The following ABLIM1 variants were observed in gnomAD, a reference collection of about 807,000 sequenced individuals.
ABLIM1 encodes the protein actin-binding LIM protein 1.
Under a neutral mutation model 107.0 loss-of-function variants are expected in ABLIM1, and 40 were observed. That is an observed-to-expected ratio of 0.37 (90% CI 0.29 to 0.49). The LOEUF is 0.49. Among genes scored for constraint, ABLIM1 ranks in the 20% least tolerant of loss-of-function variants. The pLI, the probability that ABLIM1 is intolerant of heterozygous loss-of-function variation, is 0.97. For synonymous variants in ABLIM1, 357 were observed against 357.3 expected (o/e 1.00, Z 0.01); for missense variants, 857 against 1,008.5 (o/e 0.85, Z 2.04).
At chr10:114,452,717 GATATT>G (rs2062089530) in intron 13 of ABLIM1, among the ~76,000 whole-genome samples, 2 of 152,118 alleles carry the variant, frequency 1.3e-5, no homozygotes, top group South Asian at 4.1e-4. Flanking sequence ...TAAACATTAA[GATATT>G]ATATTAATGG....
At chr10:114,492,733 A>T (rs1202266811) in intron 6 of ABLIM1, among the ~76,000 whole-genome samples, 1 of 152,234 alleles carries the variant, frequency 6.6e-6, no homozygotes, top group Admixed American at 6.5e-5. Flanking sequence ...TCCACCATCA[A>T]AACATTTATT....
intron 4 of ABLIM1, among the ~76,000 whole-genome samples, chr10:114,560,440 AG>A (rs2069529119): frequency 6.6e-6 from 1 of 152,250 alleles, no homozygotes; most frequent in South Asian, 2.1e-4. Context: ...GTGACACTGT[AG>A]CCTCCGTAAC....
At chr10:114,496,079 A>G (rs915054182) in intron 6 of ABLIM1, among the ~76,000 whole-genome samples, 1 of 152,244 alleles carries the variant, frequency 6.6e-6, no homozygotes, top group Non-Finnish European at 1.5e-5. Context: ...TCACAAAAAG[A>G]AGGCACATTA....
intron 1 of ABLIM1, among the ~76,000 whole-genome samples, chr10:114,752,003 C>A (rs1229574184): frequency 3.3e-5 from 5 of 152,180 alleles, no homozygotes; most frequent in Non-Finnish European, 1.5e-5. Flanking sequence ...ATGGAGCCAG[C>A]ACCTTCCCCA....
intron 8 of ABLIM1, among the ~76,000 whole-genome samples, chr10:114,487,686 G>T (rs1717871818): frequency 6.6e-6 from 1 of 152,152 alleles, no homozygotes; most frequent in Non-Finnish European, 1.5e-5. Context: ...CCATCTGCAT[G>T]ATTTGACTTT....
intron 2 of ABLIM1, among the ~76,000 whole-genome samples, chr10:114,581,514 A>G (rs1230179380): frequency 1.3e-5 from 2 of 152,356 alleles, no homozygotes; most frequent in East Asian, 1.9e-4. Flanking sequence ...CCATATCAGT[A>G]GACTGAACAT....
chr10:114,441,110 T>C (rs1164197480), intron 18 of ABLIM1, 33 bp from the exon 19 acceptor site: 2 of 1,548,428 alleles, frequency 1.3e-6, no homozygotes, highest in Admixed American at 3.9e-5. Flanking sequence ...TTAGGAAATC[T>C]CCATAGTGAT....
intron 6 of ABLIM1, among the ~76,000 whole-genome samples, chr10:114,493,936 C>T (rs1369225463): frequency 6.6e-6 from 1 of 152,154 alleles, no homozygotes; most frequent in East Asian, 1.9e-4. Context: ...TAAATGCACA[C>T]ACAAAAAATA....
intron 1 of ABLIM1, among the ~76,000 whole-genome samples, chr10:114,723,866 G>A (rs1023375013): frequency 4.6e-5 from 7 of 152,106 alleles, no homozygotes; most frequent in African/African-American, 1.7e-4. Context: ...CTCCTACCCT[G>A]TGGAAAAATC....
At chr10:114,732,282 C>G (rs769742948) in intron 1 of ABLIM1, among the ~76,000 whole-genome samples, 8 of 148,722 alleles carry the variant, frequency 5.4e-5, no homozygotes, top group Non-Finnish European at 1.0e-4. Flanking sequence ...CTCCCAGATT[C>G]AAGCGATTCT....
intron 1 of ABLIM1, among the ~76,000 whole-genome samples, chr10:114,649,310 G>C (rs1198829334): frequency 1.3e-5 from 2 of 151,834 alleles, no homozygotes; most frequent in Non-Finnish European, 2.9e-5. Context: ...CGGAGGCACA[G>C]AGAATCGCTG....
At position 114,460,945 on chromosome 10, in the gene ABLIM1, C is replaced by T. The variant is rs145686933; in HGVS notation, c.1441+4753G>A. On this transcript the variant is annotated intron_variant, in intron 12 of 22. Transcript: ENST00000533213. Reference sequence around the variant, plus strand: ...AGGGCCTGTGACACTTTTCTTTCTACAAAAAGTATCTCTCTACAAGTTAAA... The same window carrying T: ...AGGGCCTGTGACACTTTTCTTTCTATAAAAAGTATCTCTCTACAAGTTAAA... 7.9e-5 allele frequency among the ~76,000 whole-genome samples: 12 copies of T among 152,314 alleles called. 1 individual carries two copies. The highest frequency in any genetic ancestry group is 2.6e-4 in the African/African-American group (11 of 41,560).
chr10:114,798,691 T>C, the ABLIM1 span, among the ~76,000 whole-genome samples: 1 of 151,262 alleles, frequency 6.6e-6, no homozygotes, highest in African/African-American at 2.4e-5. Flanking sequence ...CTGTGAGCTA[T>C]GCTCATGCCA....
intron 6 of ABLIM1, among the ~76,000 whole-genome samples, chr10:114,502,737 T>C (rs1397168273): frequency 6.6e-6 from 1 of 152,184 alleles, no homozygotes; most frequent in Non-Finnish European, 1.5e-5. Flanking sequence ...CCTCAAGTGA[T>C]CCACCCACCT....
intron 12 of ABLIM1, among the ~76,000 whole-genome samples, chr10:114,459,393 C>T (rs2063425384): frequency 2.0e-5 from 3 of 152,214 alleles, no homozygotes; most frequent in African/African-American, 7.2e-5. Context: ...TGGCCATAGG[C>T]TCCCCCCATT....
chr10:114,678,310 C>T (rs137862044), intron 1 of ABLIM1, among the ~76,000 whole-genome samples: 46 of 152,338 alleles, frequency 3.0e-4, no homozygotes, highest in African/African-American at 1.1e-3. Flanking sequence ...GAACTAACTA[C>T]ATTAACCTGT....
At chr10:114,454,026 A>C (rs928946748) in intron 12 of ABLIM1, among the ~76,000 whole-genome samples, 2 of 152,178 alleles carry the variant, frequency 1.3e-5, no homozygotes, top group African/African-American at 4.8e-5. Flanking sequence ...GCGTGTTTGC[A>C]TATGTTTCTG....
intron 5 of ABLIM1, among the ~76,000 whole-genome samples, chr10:114,546,364 G>C (rs1228448751): frequency 3.3e-5 from 5 of 151,196 alleles, no homozygotes; most frequent in African/African-American, 7.3e-5. Context: ...TGCGATCTGG[G>C]CTCACTGCAA....
chr10:114,784,119 G>C, the ABLIM1 span, among the ~76,000 whole-genome samples: 3 of 151,688 alleles, frequency 2.0e-5, no homozygotes, highest in African/African-American at 7.3e-5. Context: ...AGGCTGAGGG[G>C]GGCGGATCAC....
Sources: allele counts gnomAD v4.1 joint callset (sites outside exome capture counted in the v4.1 genomes callset), GRCh38; gene constraint gnomAD v4.1.1; transcripts MANE v1.5; gene names NCBI Gene and HGNC (gene_info 2026-07-23, HGNC 2026-07-21).